USP6: variants seen among roughly 807,000 people sequenced by gnomAD.
USP6 encodes ubiquitin carboxyl-terminal hydrolase 6.
A neutral mutation model predicts 175.7 loss-of-function variants in USP6; 128 were observed. The ratio of observed to expected loss-of-function variants is 0.73; its 90% CI spans 0.63 to 0.84. The LOEUF (loss-of-function observed/expected upper bound fraction) is 0.84. USP6 is among the 40% of genes least tolerant of loss of function. The pLI is 0.00. For missense variants in USP6, 1,498 were observed against 1,760.3 expected (o/e 0.85, Z 2.67); for synonymous variants, 562 against 630.6 (o/e 0.89, Z 1.63).
At position 5,137,166 on chromosome 17, in the gene USP6, C is replaced by T. The variant is rs1350695493; in HGVS notation, c.805C>T (p.Leu269Phe). The T allele has an allele frequency of 6.2e-7, 1 of 1,613,400 alleles. No individual in the cohort carries two copies. The highest frequency in any genetic ancestry group is 1.7e-5 in the Admixed American group (1 of 60,002). Residue 269 changes from leucine (L) to phenylalanine (F), a missense_variant, in exon 19 of 38, where the codon CTC becomes TTC. Physicochemically the swap from Leu to Phe is conservative, Grantham distance 22 (BLOSUM62 0). Transcript: ENST00000574788. ...GCAGTGTGCCTCGTTAGGCTGCCTT[C>T]TCCGGAACCTGATTGACGGGGTAAG... The part of the protein sequence containing the change: ...CGQCASLGCL[L>F]RNLIDGISLG...
chr17:5,120,497 G>A (rs2072629901), intron 2 of USP6, 130 bp from the exon 3 acceptor site: 1 of 327,228 alleles, frequency 3.1e-6, no homozygotes, highest in South Asian at 2.6e-5. Flanking sequence ...GTGAGGAGCT[G>A]TTGGCCTATC....
At chr17:5,128,746 G>A (rs987687161) in intron 7 of USP6, 2 of 152,698 alleles carry the variant, frequency 1.3e-5, no homozygotes, top group African/African-American at 4.8e-5. Context: ...AGGCCCCATT[G>A]TGATGCGTGC....
intron 23 of USP6, among the ~76,000 whole-genome samples, 170 bp from the exon 24 acceptor site, chr17:5,141,833 A>C (rs184053832): frequency 5.3e-5 from 8 of 152,368 alleles, no homozygotes; most frequent in South Asian, 2.1e-4. Flanking sequence ...CTGTTGCCAG[A>C]CATACCATGA....
chr17:5,166,406 C>T (rs1040026555), intron 33 of USP6, among the ~76,000 whole-genome samples: 6 of 152,222 alleles, frequency 3.9e-5, no homozygotes, highest in Admixed American at 2.0e-4. Context: ...GAAAAAGTCT[C>T]GCCTGAAAAC....
At chr17:5,144,261 C>T (rs2073542332) in intron 25 of USP6, among the ~76,000 whole-genome samples, 1 of 151,520 alleles carries the variant, frequency 6.6e-6, no homozygotes, top group South Asian at 2.1e-4. Flanking sequence ...TTTATACATG[C>T]TATGTATTAT....
At chr17:5,156,338 G>A (rs1193015999) in intron 31 of USP6, among the ~76,000 whole-genome samples, 5 of 140,850 alleles carry the variant, frequency 3.5e-5, no homozygotes, top group African/African-American at 8.0e-5. Context: ...ACAGAGTTTT[G>A]CTCTTGTTGC....
At chr17:5,167,865 C>G (rs1257609022) in intron 33 of USP6, 67 bp from the exon 34 acceptor site, 4 of 1,536,038 alleles carry the variant, frequency 2.6e-6, no homozygotes, top group Middle Eastern at 2.4e-4. Flanking sequence ...GCGGTTGATG[C>G]ATAGCTAGAT....
At chr17:5,121,104 C>T (rs907247274) in intron 3 of USP6, among the ~76,000 whole-genome samples, 2 of 152,200 alleles carry the variant, frequency 1.3e-5, no homozygotes, top group Non-Finnish European at 2.9e-5. Context: ...TGAGTGTCTC[C>T]AGTGTCCTAG....
In USP6 at chr17:5,137,405, T is replaced by A. The variant is rs878906667; in HGVS notation, c.825+219T>A. On this transcript the variant is annotated intron_variant, in intron 19 of 37. Coordinates refer to ENST00000574788, the MANE Select transcript of USP6 (RefSeq NM_001304284.2). ...GGGCAGACTGGGTCAGGACCCAACT[T>A]GAGAGGGCTCAGGGAAGCCTCAAGC... Among the ~76,000 whole-genome samples the A allele has an allele frequency of 5.3e-5, 8 of 152,282 alleles. No homozygotes were observed. The South Asian group carries it at 1.7e-3, about 32-fold the overall frequency.
rs940427747 is a variant in USP6 at position 5,124,897 on chromosome 17, G to C, written c.-967G>C. 8.5e-5 allele frequency: 13 copies of C among 152,202 alleles called. No individual in the cohort carries two copies. The highest frequency in any genetic ancestry group is 2.1e-4 in the South Asian group (1 of 4,830). The allele number at this position is 152,202 out of a possible 1,614,324, so 9.4% of individuals were successfully genotyped here. On this transcript the variant is annotated 5_prime_UTR_variant, in exon 5 of 38. Coordinates refer to ENST00000574788, the MANE Select transcript of USP6 (RefSeq NM_001304284.2). ...TAGGTATGCAAGGTAATTTTGGGTG[G>C]TTCAAGGTGAATAATTTCAATTGAC... is the stretch of plus-strand genomic sequence containing the variant.
At chr17:5,126,258 T>C (rs985584872) in intron 6 of USP6, among the ~76,000 whole-genome samples, 7 of 152,170 alleles carry the variant, frequency 4.6e-5, no homozygotes, top group Non-Finnish European at 1.5e-5. Flanking sequence ...GTGCGCAAGT[T>C]TCCTGGGGAG....
chr17:5,166,441 C>A (rs998602282), intron 33 of USP6, among the ~76,000 whole-genome samples: 11 of 152,098 alleles, frequency 7.2e-5, no homozygotes, highest in Admixed American at 3.3e-4. Context: ...ATGTCTTGAG[C>A]TGTGCCAATT....
rs576549097 is a variant in USP6, at chr17:5,116,681, C to T, written c.-1987C>T. ...AACTGGGAGACCCAAGACTGTACCG[C>T]CAAGACCGCTTTCGAGTCGGGCCGA... is the stretch of plus-strand genomic sequence containing the variant. On this transcript the variant is annotated 5_prime_UTR_variant, in exon 1 of 38. Coordinates refer to ENST00000574788, the MANE Select transcript of USP6 (RefSeq NM_001304284.2). 1 of 152,390 alleles carries T rather than the reference C, an allele frequency of 6.6e-6. No individual in the cohort carries two copies. Among genetic ancestry groups the T allele is most frequent in the East Asian group, 1.9e-4 (1 of 5,188 alleles). 9.4% of individuals were successfully genotyped at this position (152,390 alleles called of 1,614,324 possible).
chr17:5,132,893 C>A lies in USP6; in HGVS notation c.196-17C>A. The stretch of plus-strand genomic sequence containing the variant: ...AGCCTGGCAGCTCCACTAACTCCAA[C>A]ATGCCTCATTTGACAGAAAATTCGG... On this transcript the variant is annotated splice_polypyrimidine_tract_variant and intron_variant, in intron 12 of 37. Coordinates refer to ENST00000574788, the MANE Select transcript of USP6 (RefSeq NM_001304284.2). This position sits in a 1 kb window ranked among gnomAD's most constrained non-coding sequence, Gnocchi z 4.7. 6.2e-7 allele frequency: 1 copy of A among 1,614,090 alleles called. No individual in the cohort carries two copies. The highest frequency in any genetic ancestry group is 8.5e-7 in the Non-Finnish European group (1 of 1,179,950).
chr17:5,160,465 A>G lies in USP6; in HGVS notation c.2829-1063A>G, dbSNP rs560517584. 2.0e-5 allele frequency among the ~76,000 whole-genome samples: 3 copies of G among 152,258 alleles called. No individual in the cohort carries two copies. The South Asian group carries it at 6.2e-4, about 32-fold the overall frequency. Reference sequence around the variant, plus strand: ...TCTAAGACATACAGCTTATATTTCGATAATATGTATAAATTGTTGCACTGC... The same window carrying G: ...TCTAAGACATACAGCTTATATTTCGGTAATATGTATAAATTGTTGCACTGC... On this transcript the variant is annotated intron_variant, in intron 31 of 37. Transcript: ENST00000574788.
chr17:5,130,327 G>C (rs1270194412), intron 9 of USP6, 40 bp from the exon 10 acceptor site: 5 of 1,608,624 alleles, frequency 3.1e-6, no homozygotes, highest in East Asian at 2.2e-5. Flanking sequence ...CTCCGAAGCT[G>C]TCGGGTACAG....
rs372561457 is a variant in USP6 at position 5,146,178 on chromosome 17, A to C, written c.2319+4A>C. The C allele has an allele frequency of 8.1e-6, 13 of 1,605,640 alleles. No individual in the cohort carries two copies. Among genetic ancestry groups the C allele is most frequent in the South Asian group, 2.2e-5 (2 of 89,780 alleles). ...AGTACATGATTCCAACATAAAGGTA[A>C]TGTTAACTACTCTAAGAAACTTTTG... On this transcript the variant is annotated splice_donor_region_variant and intron_variant, in intron 28 of 37. Coordinates refer to ENST00000574788, the MANE Select transcript of USP6 (RefSeq NM_001304284.2).
rs1355738026 is a variant in USP6, at chr17:5,129,992, T to G, written c.-99T>G. ...CCAGGAGGCCGATCGTACAGAGACC[T>G]CTGGTGCCTGACCGCAGTTCACATC... On this transcript the variant is annotated 5_prime_UTR_variant, in exon 9 of 38. Transcript: ENST00000574788. The G allele has an allele frequency of 3.5e-6, 1 of 287,324 alleles. No individual in the cohort carries two copies. The highest frequency in any genetic ancestry group is 6.8e-6 in the Non-Finnish European group (1 of 147,532). 17.8% of individuals were successfully genotyped at this position (287,324 alleles called of 1,614,324 possible).
intron 4 of USP6, among the ~76,000 whole-genome samples, chr17:5,123,595 G>C (rs2072781181): frequency 6.6e-6 from 1 of 152,294 alleles, no homozygotes; most frequent in Admixed American, 6.5e-5. Flanking sequence ...GCCGGCCTGG[G>C]ACCCCGTGTG....
Sources: gnomAD v4.1 joint callset for allele counts (sites outside exome capture counted in the v4.1 genomes callset) on GRCh38, gnomAD v4.1.1 for gene constraint, Gnocchi (gnomAD v3.1) non-coding constraint, MANE v1.5 for transcripts, NCBI Gene and HGNC (gene_info 2026-07-23, HGNC 2026-07-21) for gene names.